Variants in KLHL31 observed in about 807,000 individuals in gnomAD.
KLHL31 encodes kelch-like protein 31.
In KLHL31, 32 loss-of-function variants were observed where a neutral mutation model predicts 47.1. The observed-to-expected ratio is 0.68, with a 90% CI of 0.51 to 0.91. The LOEUF (loss-of-function observed/expected upper bound fraction) is 0.91. Ranked by LOEUF, KLHL31 falls within the 40% of genes least tolerant of loss-of-function variation. The pLI is 0.00. For synonymous variants in KLHL31, 330 were observed against 325.1 expected (o/e 1.01, Z -0.16); for missense variants, 797 against 819.3 (o/e 0.97, Z 0.33).
chr6:53,652,106 C>A lies in KLHL31; in HGVS notation c.1397G>T (p.Gly466Val). The A allele has an allele frequency of 6.2e-7, 1 of 1,600,102 alleles. No homozygotes were observed. Among genetic ancestry groups the A allele is most frequent in the Non-Finnish European group, 8.5e-7 (1 of 1,177,984 alleles). ...RCCHASAVAD[G>V]RVLVTGGYIA... ...GTAGCCTCCGGTCACCAGCACGCGG[C>A]CGTCGGCGACCGCGCTAGCGTGGCA... Residue 466 changes from glycine to valine, a missense_variant, in exon 3 of 3, where the codon GGC becomes GTC. Transcript: ENST00000370905.
chr6:53,653,620 T>C (rs1172595911), intron 2 of KLHL31, among the ~76,000 whole-genome samples: 2 of 152,384 alleles, frequency 1.3e-5, no homozygotes, highest in East Asian at 3.8e-4. Context: ...TGCCACATTT[T>C]TAATGATCTC....
rs1764445570 is a variant in KLHL31, at chr6:53,650,255, A to C, written c.*1343T>G. On this transcript the variant is annotated 3_prime_UTR_variant, in exon 3 of 3. Transcript: ENST00000370905. Reference sequence around the variant, plus strand: ...TAAACTGTCAAAGAATAAAGTGATAAATTATAAAAAAGGAAAATATGTATC... The same window carrying C: ...TAAACTGTCAAAGAATAAAGTGATACATTATAAAAAAGGAAAATATGTATC... 1.3e-5 allele frequency: 2 copies of C among 152,232 alleles called. No homozygotes were observed. Among genetic ancestry groups the C allele is most frequent in the South Asian group, 2.1e-4 (1 of 4,836 alleles). 9.4% of individuals were successfully genotyped at this position (152,232 alleles called of 1,614,324 possible).
intron 2 of KLHL31, among the ~76,000 whole-genome samples, chr6:53,653,155 T>G (rs1214702114): frequency 2.6e-5 from 4 of 152,222 alleles, no homozygotes; most frequent in African/African-American, 7.2e-5. Context: ...CATAGTGAAC[T>G]GATGCTTTCC....
At position 53,651,303 on chromosome 6, in the gene KLHL31, G is replaced by A. The variant is rs867046518; in HGVS notation, c.*295C>T. 1.9e-5 allele frequency: 5 copies of A among 268,400 alleles called. No individual in the cohort carries two copies. Among genetic ancestry groups the A allele is most frequent in the Middle Eastern group, 1.2e-3 (1 of 866 alleles). 16.6% of individuals were successfully genotyped at this position (268,400 alleles called of 1,614,324 possible). On this transcript the variant is annotated 3_prime_UTR_variant, in exon 3 of 3. Transcript: ENST00000370905. ...TAACCGCTATACATTTAGGAAACAT[G>A]CCGCCTTGGGAGAGTGCCTATAACG...
chr6:53,658,557 T>C (rs1183516020), intron 1 of KLHL31, among the ~76,000 whole-genome samples: 1 of 152,044 alleles, frequency 6.6e-6, no homozygotes, highest in Non-Finnish European at 1.5e-5. Flanking sequence ...CTTCAGTTAC[T>C]AGATAATAGA....
rs1184185040 is a variant in KLHL31 at position 53,651,396 on chromosome 6, T to G, written c.*202A>C. ...TTTTGTTGGCCATTGCCCTGTATTT[T>G]GCTAAAAAAAAAAAAAAAAAAAAGA... is the stretch of plus-strand genomic sequence containing the variant. On this transcript the variant is annotated 3_prime_UTR_variant, in exon 3 of 3. Coordinates refer to ENST00000370905, the MANE Select transcript of KLHL31 (RefSeq NM_001003760.5). The G allele has an allele frequency of 1.3e-5, 1 of 79,808 alleles. No individual in the cohort carries two copies. The allele number at this position is 79,808 out of a possible 1,614,324, so 4.9% of individuals were successfully genotyped here. A position where few individuals can be genotyped will look rare whatever the true frequency, so the allele number is the denominator to read the frequency against.
Position 53,665,652 on chromosome 6 carries a change from A to G in KLHL31, c.-85T>C, listed in dbSNP as rs1029725004. ...CTTGAGATGATGAAGTTTTAGCAGG[A>G]GACTCCTCTTGGGAAGGGATCTGTG... On this transcript the variant is annotated 5_prime_UTR_variant, in exon 1 of 3. Transcript: ENST00000370905. The G allele has an allele frequency of 1.3e-5, 2 of 152,208 alleles. No individual in the cohort carries two copies. The highest frequency in any genetic ancestry group is 4.8e-5 in the African/African-American group (2 of 41,432). 9.4% of individuals were successfully genotyped at this position (152,208 alleles called of 1,614,324 possible). A position where few individuals can be genotyped will look rare whatever the true frequency, so the allele number is the denominator to read the frequency against.
rs778453834 is a variant in KLHL31, at chr6:53,654,855, T to C, written c.418A>G (p.Ile140Val). ...TGKLTLSLYT[I>V]GSIISAAVYL... is the part of the protein sequence containing the mutation. ...ACAGCAGCAGAAATAATGCTTCCTA[T>C]TGTATACAAGGAGAGAGTGAGCTTT... Residue 140 changes from isoleucine (I) to valine (V), a missense_variant, in exon 2 of 3, where the codon ATA becomes GTA. Ile to Val is a conservative substitution (Grantham distance 29, BLOSUM62 3). Transcript: ENST00000370905. 4 of 1,614,212 alleles carry C rather than the reference T, an allele frequency of 2.5e-6. No individual in the cohort carries two copies. The highest frequency in any genetic ancestry group is 1.3e-5 in the African/African-American group (1 of 75,058).
At position 53,654,132 on chromosome 6, in the gene KLHL31, G is replaced by T; in HGVS notation, c.1141C>A (p.Gln381Lys). The T allele has an allele frequency of 6.2e-7, 1 of 1,610,656 alleles. No homozygotes were observed. Among genetic ancestry groups the T allele is most frequent in the Non-Finnish European group, 8.5e-7 (1 of 1,178,260 alleles). The change falls in exon 2 of 3, where the codon CAA becomes AAA. Residue 381 changes from glutamine (Q) to lysine (K), a missense_variant. Coordinates refer to ENST00000370905, the MANE Select transcript of KLHL31 (RefSeq NM_001003760.5). Reference protein sequence around the residue: ...GGEDQNDARNQAKHAVSNFCR... With the variant: ...GGEDQNDARNKAKHAVSNFCR... ...AAATTGCTGACTGCATGCTTGGCTT[G>T]ATTTCTTGCATCATTCTGGTCTTCA...
At position 53,665,740 on chromosome 6, in the gene KLHL31, CG is replaced by C. The variant is rs1264078602; in HGVS notation, c.-174del. 6.6e-6 allele frequency: 1 copy of C among 152,196 alleles called. No homozygotes were observed. Among genetic ancestry groups the C allele is most frequent in the Non-Finnish European group, 1.5e-5 (1 of 68,228 alleles). The allele number at this position is 152,196 out of a possible 1,614,324, so 9.4% of individuals were successfully genotyped here. A position where few individuals can be genotyped will look rare whatever the true frequency, so the allele number is the denominator to read the frequency against. On this transcript the variant is annotated 5_prime_UTR_variant, in exon 1 of 3. Coordinates refer to ENST00000370905, the MANE Select transcript of KLHL31 (RefSeq NM_001003760.5). ...CCACCAGCAGCCACCTGACAAGACC[CG>C]GCTGCAGCAATTTTTAGAGTGACCC...
intron 1 of KLHL31, among the ~76,000 whole-genome samples, chr6:53,660,088 G>A (rs1424375778): frequency 6.6e-6 from 1 of 151,942 alleles, no homozygotes; most frequent in East Asian, 1.9e-4. Context: ...ACCAGTTAAT[G>A]GGCAGATCTA....
At chr6:53,656,560 GTA>G (rs1764563734) in intron 1 of KLHL31, among the ~76,000 whole-genome samples, 1 of 152,072 alleles carries the variant, frequency 6.6e-6, no homozygotes, top group South Asian at 2.1e-4. Flanking sequence ...TTTATATAGT[GTA>G]TGTGTGTGTA....
rs369793771 is a variant in KLHL31, at chr6:53,655,315, G to GA, written c.-33-11dup. 1.7e-3 allele frequency: 2,184 copies of GA among 1,251,486 alleles called. No homozygotes were observed. The highest frequency in any genetic ancestry group is 2.0e-3 in the Non-Finnish European group (1,834 of 930,952). The allele number at this position is 1,251,486 out of a possible 1,614,324, so 77.5% of individuals were successfully genotyped here. ...TACAGGCAAGAGCTTGCTAAAAAGA[G>GA]AAAAAAAAAAACATGGTTTTGTTTT... On this transcript the variant is annotated splice_polypyrimidine_tract_variant and intron_variant, in intron 1 of 2. Coordinates refer to ENST00000370905, the MANE Select transcript of KLHL31 (RefSeq NM_001003760.5).
chr6:53,664,978 A>G (rs1284609390), intron 1 of KLHL31, among the ~76,000 whole-genome samples: 1 of 152,188 alleles, frequency 6.6e-6, no homozygotes, highest in Non-Finnish European at 1.5e-5. Flanking sequence ...TTTTAATATA[A>G]AATATATGTC....
At position 53,654,849 on chromosome 6, in the gene KLHL31, T is replaced by G; in HGVS notation, c.424A>C (p.Ser142Arg). Residue 142 changes from serine (S) to arginine (R), a missense_variant, in exon 2 of 3, where the codon AGC (serine) becomes CGC (arginine). Transcript: ENST00000370905. ...AGATAAACAGCAGCAGAAATAATGC[T>G]TCCTATTGTATACAAGGAGAGAGTG... ...KLTLSLYTIG[S>R]IISAAVYLQI... The G allele has an allele frequency of 6.2e-7, 1 of 1,614,200 alleles. No homozygotes were observed. The highest frequency in any genetic ancestry group is 1.3e-5 in the African/African-American group (1 of 75,058).
In KLHL31 at chr6:53,655,128, C is replaced by T. The variant is rs1764540024; in HGVS notation, c.145G>A (p.Glu49Lys). The change falls in exon 2 of 3, where the codon GAA (glutamate) becomes AAA (lysine). Residue 49 changes from glutamate to lysine, a missense_variant. Physicochemically the swap from Glu to Lys is moderately conservative, Grantham distance 56. Transcript: ENST00000370905. ...GGGCCATAAGAAGCATCTGTTAGTT[C>T]AGAAGAAATGCAGCTAAGGCCATTG... The part of the protein sequence containing the change: ...GGNGLSCISS[E>K]LTDASYGPNL... The T allele has an allele frequency of 6.2e-7, 1 of 1,614,174 alleles. No homozygotes were observed. Among genetic ancestry groups the T allele is most frequent in the South Asian group, 1.1e-5 (1 of 91,076 alleles).
chr6:53,653,026 T>C (rs562475332), intron 2 of KLHL31, among the ~76,000 whole-genome samples: 1 of 85,858 alleles, frequency 1.2e-5, no homozygotes, highest in Admixed American at 1.5e-4. Context: ...CTTTTTAGTT[T>C]AGGGATAAAT....
intron 1 of KLHL31, among the ~76,000 whole-genome samples, chr6:53,662,040 G>A (rs1286316227): frequency 2.0e-5 from 3 of 151,994 alleles, no homozygotes; most frequent in East Asian, 1.9e-4. Context: ...GCTGCTCAGG[G>A]CATCCCCAAG....
intron 1 of KLHL31, among the ~76,000 whole-genome samples, chr6:53,657,699 T>A (rs983814208): frequency 6.6e-6 from 1 of 150,702 alleles, no homozygotes; most frequent in Admixed American, 6.7e-5. Flanking sequence ...AAAACTCAGC[T>A]TTGGCTCTCC....
Sources: gnomAD v4.1 joint callset for allele counts (sites outside exome capture counted in the v4.1 genomes callset) on GRCh38, gnomAD v4.1.1 for gene constraint, MANE v1.5 for transcripts, NCBI Gene and HGNC (gene_info 2026-07-23, HGNC 2026-07-21) for gene names.